The following SLC4A10 variants were observed in gnomAD, a reference collection of about 807,000 sequenced individuals.
The protein encoded by SLC4A10 is sodium-driven chloride bicarbonate exchanger.
In SLC4A10, 42 loss-of-function variants were observed where a neutral mutation model predicts 137.7. That is an observed-to-expected ratio of 0.30 (90% CI 0.24 to 0.39). SLC4A10 has a LOEUF of 0.39. Ranked by LOEUF, SLC4A10 falls within the 10% of genes least tolerant of loss-of-function variation. The pLI is 1.00. For synonymous variants in SLC4A10, 474 were observed against 464.1 expected, an observed-to-expected ratio of 1.02 and a Z score of -0.27; for missense variants, 925 against 1,355.0, an observed-to-expected ratio of 0.68 and a Z score of 4.98.
At chr2:161,965,905 G>GT (rs1374358738) in intron 23 of SLC4A10, among the ~76,000 whole-genome samples, 2 of 152,030 alleles carry the variant, frequency 1.3e-5, no homozygotes, top group Non-Finnish European at 2.9e-5. Flanking sequence ...AATAACTAGC[G>GT]TAACATTTAG....
chr2:161,743,760 A>G lies in SLC4A10; in HGVS notation c.49-27213A>G, dbSNP rs538257356. 2.1e-4 allele frequency among the ~76,000 whole-genome samples: 32 copies of G among 152,268 alleles called. 1 individual carries two copies. In the South Asian group the frequency reaches 6.6e-3, roughly 32 times the overall value. On this transcript the variant is annotated intron_variant, in intron 1 of 26. Coordinates refer to ENST00000446997, the MANE Select transcript of SLC4A10 (RefSeq NM_001178015.2). ...CATTTTAATAACATTGATTCTTCCA[A>G]TACATGAACATGGAACATCTTTCCA...
At chr2:161,823,967 C>T (rs1425173485) in intron 3 of SLC4A10, among the ~76,000 whole-genome samples, 1 of 152,160 alleles carries the variant, frequency 6.6e-6, no homozygotes, top group African/African-American at 2.4e-5. Context: ...ATGAGTACTG[C>T]CTGCCAGTCT....
chr2:161,637,128 C>T (rs566828115), intron 1 of SLC4A10, among the ~76,000 whole-genome samples: 387 of 133,470 alleles, frequency 2.9e-3, no homozygotes, highest in African/African-American at 0.01. Flanking sequence ...TATCTATATA[C>T]ATAAATACGT....
At chr2:161,725,711 G>A (rs2046146579) in intron 1 of SLC4A10, among the ~76,000 whole-genome samples, 6 of 152,156 alleles carry the variant, frequency 3.9e-5, no homozygotes, top group Admixed American at 2.6e-4. Flanking sequence ...TTTAAAAAGT[G>A]GGGATTTATA....
Position 161,693,939 on chromosome 2 carries a change from G to T in SLC4A10, c.48+69373G>T, listed in dbSNP as rs1210021460. Among the ~76,000 whole-genome samples the T allele has an allele frequency of 2.6e-5, 4 of 151,968 alleles. No individual in the cohort carries two copies. In the East Asian group the frequency reaches 7.7e-4, roughly 29 times the overall value. ...ATAATGCTGTAATAAACATGGGAGT[G>T]CAGATATCAAAATTGTGTTTCTTAG... On this transcript the variant is annotated intron_variant, in intron 1 of 26. Coordinates refer to ENST00000446997, the MANE Select transcript of SLC4A10 (RefSeq NM_001178015.2).
intron 1 of SLC4A10, among the ~76,000 whole-genome samples, chr2:161,697,763 G>T (rs1200904074): frequency 6.6e-6 from 1 of 152,078 alleles, no homozygotes; most frequent in African/African-American, 2.4e-5. Context: ...TTGTTCTTTT[G>T]GTTTAGGATT....
chr2:161,706,662 C>T (rs1423774804), intron 1 of SLC4A10, among the ~76,000 whole-genome samples: 1 of 151,522 alleles, frequency 6.6e-6, no homozygotes, highest in Non-Finnish European at 1.5e-5. Flanking sequence ...AAGGGTAAAG[C>T]TCACACTCTT....
intron 16 of SLC4A10, among the ~76,000 whole-genome samples, chr2:161,945,603 T>C (rs762236404): frequency 6.6e-6 from 1 of 151,772 alleles, no homozygotes; most frequent in African/African-American, 2.4e-5. Flanking sequence ...TGTGTGCATG[T>C]ATGTATGTGT....
intron 15 of SLC4A10, among the ~76,000 whole-genome samples, chr2:161,924,521 T>G (rs1393017402): frequency 2.6e-5 from 4 of 152,186 alleles, no homozygotes; most frequent in African/African-American, 9.6e-5. Context: ...AATCTTTAAC[T>G]TATTTATTTT....
chr2:161,906,187 C>A (rs746658261), intron 15 of SLC4A10, among the ~76,000 whole-genome samples: 1 of 152,052 alleles, frequency 6.6e-6, no homozygotes, highest in Non-Finnish European at 1.5e-5. Context: ...CGAATTTTAC[C>A]TTAGCGAAAT....
At chr2:161,781,416 A>G (rs2053001435) in intron 2 of SLC4A10, among the ~76,000 whole-genome samples, 1 of 152,100 alleles carries the variant, frequency 6.6e-6, no homozygotes, top group Admixed American at 6.6e-5. Context: ...TACATCGACC[A>G]GAAAATGTTC....
chr2:161,935,365 T>C (rs1691393154), intron 15 of SLC4A10, among the ~76,000 whole-genome samples: 1 of 152,304 alleles, frequency 6.6e-6, no homozygotes, highest in African/African-American at 2.4e-5. Context: ...GGTTATTTGT[T>C]TTTTGTGGTT....
chr2:161,951,628 G>A (rs1415216840), intron 19 of SLC4A10, among the ~76,000 whole-genome samples: 1 of 152,120 alleles, frequency 6.6e-6, no homozygotes, highest in African/African-American at 2.4e-5. Context: ...TCGTGGGGTA[G>A]TTGCCAGCTA....
chr2:161,685,313 C>T (rs1398156625), intron 1 of SLC4A10, among the ~76,000 whole-genome samples: 1 of 152,090 alleles, frequency 6.6e-6, no homozygotes, highest in African/African-American at 2.4e-5. Flanking sequence ...TTACCATTCT[C>T]ACTTTACAGA....
chr2:161,653,007 CA>C (rs2037019258), intron 1 of SLC4A10, among the ~76,000 whole-genome samples: 1 of 152,074 alleles, frequency 6.6e-6, no homozygotes, highest in South Asian at 2.1e-4. Context: ...CCCTATCCCC[CA>C]ATCCCTCGAG....
intron 1 of SLC4A10, among the ~76,000 whole-genome samples, chr2:161,636,563 AT>A (rs574551248): frequency 2.6e-5 from 4 of 151,406 alleles, no homozygotes; most frequent in African/African-American, 9.7e-5. Context: ...TACCTGGCTA[AT>A]TTTTTTTGTA....
chr2:161,892,933 A>G (rs1477177857), intron 10 of SLC4A10, among the ~76,000 whole-genome samples: 2 of 152,106 alleles, frequency 1.3e-5, no homozygotes, highest in African/African-American at 4.8e-5. Context: ...GCTTAAAACA[A>G]TAAGGATTTA....
chr2:161,838,048 T>G (rs1454382142), intron 3 of SLC4A10, among the ~76,000 whole-genome samples: 3 of 152,186 alleles, frequency 2.0e-5, no homozygotes, highest in African/African-American at 7.2e-5. Context: ...ATTTCTGTTG[T>G]TTATAAGCCA....
At chr2:161,702,332 T>A (rs2043209147) in intron 1 of SLC4A10, among the ~76,000 whole-genome samples, 1 of 151,862 alleles carries the variant, frequency 6.6e-6, no homozygotes, top group Admixed American at 6.6e-5. Flanking sequence ...TATCAAAAAA[T>A]TTCACTTAAG....
Sources: allele counts gnomAD v4.1 joint callset (sites outside exome capture counted in the v4.1 genomes callset), GRCh38; gene constraint gnomAD v4.1.1; transcripts MANE v1.5; gene names NCBI Gene and HGNC (gene_info 2026-07-23, HGNC 2026-07-21).